Variants in NEGR1 observed in about 807,000 individuals in gnomAD.
NEGR1 encodes IgLON family member 4.
Under a neutral mutation model 40.9 loss-of-function variants are expected in NEGR1, and 10 were observed. The ratio of observed to expected loss-of-function variants is 0.24; its 90% CI spans 0.15 to 0.42. NEGR1 has a LOEUF of 0.42. Among genes scored for constraint, NEGR1 ranks in the 10% least tolerant of loss-of-function variants. NEGR1 has a pLI of 1.00. For missense variants in NEGR1, 352 were observed against 438.9 expected, an observed-to-expected ratio of 0.80 and a Z score of 1.77; for synonymous variants, 185 against 166.8, an observed-to-expected ratio of 1.11 and a Z score of -0.84.
Position 71,928,105 on chromosome 1 carries a change from T to C in NEGR1, c.409+6974A>G, listed in dbSNP as rs373944658. On this transcript the variant is annotated intron_variant, in intron 2 of 6. Coordinates refer to ENST00000357731, the MANE Select transcript of NEGR1 (RefSeq NM_173808.3). ...ATATGTATATATACACACATATGTA[T>C]ATATACACATATGTATATATACACA... is the stretch of plus-strand genomic sequence containing the variant. 7.0e-4 allele frequency among the ~76,000 whole-genome samples: 60 copies of C among 86,034 alleles called. 2 individuals carry two copies. Among genetic ancestry groups the C allele is most frequent in the Admixed American group, 9.6e-4 (6 of 6,222 alleles). 56.4% of individuals were successfully genotyped at this position (86,034 alleles called of 152,430 possible).
At chr1:71,628,857 C>A (rs1650877931) in intron 4 of NEGR1, among the ~76,000 whole-genome samples, 1 of 151,944 alleles carries the variant, frequency 6.6e-6, no homozygotes, top group African/African-American at 2.4e-5. Flanking sequence ...CTATTGTGAA[C>A]AGTGCTGCAA....
chr1:71,588,945 C>T (rs1372503424), intron 6 of NEGR1, among the ~76,000 whole-genome samples: 1 of 152,132 alleles, frequency 6.6e-6, no homozygotes, highest in African/African-American at 2.4e-5. Flanking sequence ...AGCAGCTAGA[C>T]ATAAAGGCAT....
At chr1:71,972,722 A>T (rs1646267787) in intron 1 of NEGR1, among the ~76,000 whole-genome samples, 1 of 152,136 alleles carries the variant, frequency 6.6e-6, no homozygotes, top group Non-Finnish European at 1.5e-5. Context: ...GATGCTATGA[A>T]ATTTCTATTT....
At chr1:71,423,703 A>G (rs917603530) in intron 6 of NEGR1, among the ~76,000 whole-genome samples, 19 of 152,136 alleles carry the variant, frequency 1.2e-4, no homozygotes, top group African/African-American at 4.1e-4. Context: ...TGGGATAGCA[A>G]TCACATTATA....
chr1:71,453,455 G>A (rs1646647554), intron 6 of NEGR1, among the ~76,000 whole-genome samples: 1 of 152,124 alleles, frequency 6.6e-6, no homozygotes. Flanking sequence ...AACATAGCAT[G>A]TTTAGTGTAA....
chr1:72,248,403 G>T (rs145707573), intron 1 of NEGR1, among the ~76,000 whole-genome samples: 1 of 151,606 alleles, frequency 6.6e-6, no homozygotes, highest in Non-Finnish European at 1.5e-5. Context: ...GATTATTGGC[G>T]CTTGTCACCA....
chr1:72,096,370 T>G (rs1342097301), intron 1 of NEGR1, among the ~76,000 whole-genome samples: 1 of 152,120 alleles, frequency 6.6e-6, no homozygotes, highest in African/African-American at 2.4e-5. Context: ...GAATAAGAAG[T>G]TAAACTAATA....
intron 1 of NEGR1, among the ~76,000 whole-genome samples, chr1:72,146,623 G>T (rs1650919740): frequency 1.3e-5 from 2 of 151,900 alleles, no homozygotes; most frequent in South Asian, 4.1e-4. Context: ...AGATATACAT[G>T]AAACATAAAT....
intron 6 of NEGR1, among the ~76,000 whole-genome samples, chr1:71,491,184 A>G (rs1396282908): frequency 3.3e-5 from 5 of 152,074 alleles, no homozygotes; most frequent in Admixed American, 3.3e-4. Flanking sequence ...CAATACAACA[A>G]CTATTTATAT....
chr1:71,639,649 G>T (rs1381409478), intron 4 of NEGR1, among the ~76,000 whole-genome samples: 1 of 151,980 alleles, frequency 6.6e-6, no homozygotes, highest in Non-Finnish European at 1.5e-5. Flanking sequence ...GGTGAGGGGG[G>T]AAATTAGAGT....
chr1:71,831,332 G>T (rs2101790519), intron 2 of NEGR1, among the ~76,000 whole-genome samples: 1 of 151,972 alleles, frequency 6.6e-6, no homozygotes, highest in Middle Eastern at 3.4e-3. Context: ...GAAAAAAATT[G>T]CAAATAAAGG....
intron 2 of NEGR1, among the ~76,000 whole-genome samples, chr1:71,818,607 A>G (rs1342020471): frequency 6.6e-6 from 1 of 152,034 alleles, no homozygotes; most frequent in Non-Finnish European, 1.5e-5. Context: ...GGGTGACAAA[A>G]TAATCTGTAC....
At chr1:72,206,924 A>G (rs1191949719) in intron 1 of NEGR1, among the ~76,000 whole-genome samples, 1 of 151,978 alleles carries the variant, frequency 6.6e-6, no homozygotes, top group East Asian at 1.9e-4. Flanking sequence ...GAGAACCAGT[A>G]GAATTAATCA....
At chr1:72,131,103 T>G (rs2100312828) in intron 1 of NEGR1, among the ~76,000 whole-genome samples, 1 of 152,316 alleles carries the variant, frequency 6.6e-6, no homozygotes, top group Admixed American at 6.5e-5. Context: ...TTCTGTCTTC[T>G]AAGTCTCCTG....
intron 2 of NEGR1, among the ~76,000 whole-genome samples, chr1:71,928,297 T>C (rs867212988): frequency 2.9e-3 from 253 of 87,548 alleles, no homozygotes; most frequent in South Asian, 4.1e-3. Context: ...TATGTATATA[T>C]GTATATATAC....
At chr1:71,758,578 G>C (rs566581198) in intron 3 of NEGR1, among the ~76,000 whole-genome samples, 16 of 152,046 alleles carry the variant, frequency 1.1e-4, no homozygotes, top group Non-Finnish European at 1.9e-4. Flanking sequence ...TTATGGTCAA[G>C]TTAACCAAGA....
Position 71,942,212 on chromosome 1 carries a change from T to C in NEGR1, c.177-6901A>G, listed in dbSNP as rs577540459. ...TTTTTAAAATATTTTGGATACAAGA[T>C]TGAAAACTATCAGCCACTATTGATT... is the stretch of plus-strand genomic sequence containing the variant. On this transcript the variant is annotated intron_variant, in intron 1 of 6. Transcript: ENST00000357731. Among the ~76,000 whole-genome samples the C allele has an allele frequency of 2.0e-5, 3 of 151,074 alleles. No individual in the cohort carries two copies. The South Asian group carries it at 6.2e-4, about 31-fold the overall frequency.
At chr1:71,584,508 G>A (rs1027764592) in intron 6 of NEGR1, among the ~76,000 whole-genome samples, 7 of 152,208 alleles carry the variant, frequency 4.6e-5, no homozygotes, top group African/African-American at 7.2e-5. Context: ...TTGTTCACAC[G>A]TATTCCTGGA....
chr1:71,694,234 A>AT (rs970544608), intron 4 of NEGR1, among the ~76,000 whole-genome samples: 10 of 150,304 alleles, frequency 6.7e-5, no homozygotes, highest in South Asian at 2.1e-4. Context: ...AAATGTGTCA[A>AT]TTTTTTTTTC....
Sources: allele counts gnomAD v4.1 joint callset (sites outside exome capture counted in the v4.1 genomes callset), GRCh38; gene constraint gnomAD v4.1.1; transcripts MANE v1.5; gene names NCBI Gene and HGNC (gene_info 2026-07-23, HGNC 2026-07-21).